Variants in C6 observed in about 807,000 individuals in gnomAD.
C6 encodes the protein complement component C6.
Under a neutral mutation model 112.9 loss-of-function variants are expected in C6, and 101 were observed. The ratio of observed to expected loss-of-function variants is 0.89; its 90% CI spans 0.76 to 1.06. C6 has a LOEUF of 1.06. Among genes scored for constraint, C6 ranks in the 50% least tolerant of loss-of-function variants. The pLI is 0.00. For synonymous variants in C6, 431 were observed against 384.1 expected (o/e 1.12, Z -1.43); for missense variants, 1,202 against 1,104.6 (o/e 1.09, Z -1.25).
At chr5:41,226,020 A>T (rs1441638275) in intron 1 of C6, among the ~76,000 whole-genome samples, 1 of 152,204 alleles carries the variant, frequency 6.6e-6, no homozygotes, top group Non-Finnish European at 1.5e-5. Context: ...CCTAGGTGAT[A>T]CCATTCAGGA....
chr5:41,233,152 AC>A (rs2150415315), intron 1 of C6, among the ~76,000 whole-genome samples: 1 of 152,208 alleles, frequency 6.6e-6, no homozygotes, highest in South Asian at 2.1e-4. Flanking sequence ...CAGCTCAGTC[AC>A]CAATTATTTG....
At chr5:41,205,778 A>T (rs1371114967) in intron 1 of C6, among the ~76,000 whole-genome samples, 1 of 151,952 alleles carries the variant, frequency 6.6e-6, no homozygotes, top group Non-Finnish European at 1.5e-5. Flanking sequence ...GCCTCTGTAG[A>T]CTCCACCTCT....
chr5:41,195,757 T>C, intron 5 of C6, 35 bp downstream of exon 5: 1 of 1,607,836 alleles, frequency 6.2e-7, no homozygotes, highest in Non-Finnish European at 8.5e-7. Flanking sequence ...TTCTGATACC[T>C]GTTCTCCCCA....
At chr5:41,250,087 G>T (rs1046394968) in intron 1 of C6, among the ~76,000 whole-genome samples, 4 of 152,152 alleles carry the variant, frequency 2.6e-5, no homozygotes, top group African/African-American at 9.7e-5. Flanking sequence ...CTTTTAACTA[G>T]GGACAAATTA....
intron 1 of C6, among the ~76,000 whole-genome samples, chr5:41,229,140 T>G (rs773561302): frequency 4.0e-5 from 6 of 151,784 alleles, no homozygotes; most frequent in Non-Finnish European, 5.9e-5. Context: ...CAACTCTTAA[T>G]TTTATTGATC....
chr5:41,210,753 G>C (rs1399002882), intron 1 of C6, among the ~76,000 whole-genome samples: 2 of 152,160 alleles, frequency 1.3e-5, no homozygotes, highest in Non-Finnish European at 2.9e-5. Flanking sequence ...TGCTGGAGAG[G>C]ATGTGGAGAA....
At chr5:41,218,520 T>C (rs1271749854), upstream of C6, among the ~76,000 whole-genome samples, 1 of 152,208 alleles carries the variant, frequency 6.6e-6, no homozygotes, top group Non-Finnish European at 1.5e-5. Flanking sequence ...CTATTGTGTC[T>C]TCTTAAAATG....
chr5:41,145,656 T>A (rs979171782), intron 17 of C6, among the ~76,000 whole-genome samples: 7 of 152,214 alleles, frequency 4.6e-5, no homozygotes, highest in Non-Finnish European at 1.0e-4. Flanking sequence ...CATCTTGCCC[T>A]TGGTAGGAAA....
chr5:41,172,183 T>A, intron 9 of C6, 42 bp downstream of exon 9: 1 of 1,609,412 alleles, frequency 6.2e-7, no homozygotes, highest in Non-Finnish European at 8.5e-7. Flanking sequence ...ACAGCCAGGC[T>A]CAGGGCACAC....
chr5:41,210,363 A>G (rs1751810530), intron 1 of C6, among the ~76,000 whole-genome samples: 1 of 152,226 alleles, frequency 6.6e-6, no homozygotes, highest in Non-Finnish European at 1.5e-5. Context: ...CAAAATTGAC[A>G]AATGGGATCT....
At chr5:41,210,823 G>C (rs1284159579) in intron 1 of C6, among the ~76,000 whole-genome samples, 1 of 152,210 alleles carries the variant, frequency 6.6e-6, no homozygotes, top group Non-Finnish European at 1.5e-5. Context: ...GTGGAAGGCA[G>C]TGTGGTGATT....
chr5:41,211,430 T>G (rs1180881544), intron 1 of C6, among the ~76,000 whole-genome samples: 1 of 152,110 alleles, frequency 6.6e-6, no homozygotes, highest in Non-Finnish European at 1.5e-5. Context: ...ACTTGCAAGC[T>G]GATTCTAGTT....
intron 1 of C6, among the ~76,000 whole-genome samples, chr5:41,258,194 G>A (rs1741837474): frequency 6.6e-6 from 1 of 152,088 alleles, no homozygotes; most frequent in Non-Finnish European, 1.5e-5. Flanking sequence ...TATGAGGAAA[G>A]GAAACATAAA....
chr5:41,259,924 C>T (rs115179989), intron 1 of C6, among the ~76,000 whole-genome samples: 1 of 152,286 alleles, frequency 6.6e-6, no homozygotes, highest in African/African-American at 2.4e-5. Flanking sequence ...GCATGTCTGG[C>T]CTGAACCCAC....
At chr5:41,179,714 A>AT (rs1749165576) in intron 7 of C6, among the ~76,000 whole-genome samples, 2 of 148,570 alleles carry the variant, frequency 1.3e-5, no homozygotes, top group African/African-American at 4.9e-5. Flanking sequence ...AGTTATATAT[A>AT]ATTTATACAT....
Position 41,159,187 on chromosome 5 carries a change from G to C in C6, c.1751C>G (p.Ser584Trp). 6.2e-7 allele frequency: 1 copy of C among 1,613,368 alleles called. No homozygotes were observed. The highest frequency in any genetic ancestry group is 2.2e-5 in the East Asian group (1 of 44,834). The change falls in exon 12 of 18, where the codon TCG becomes TGG. Residue 584 changes from serine to tryptophan, a missense_variant. Ser to Trp is a radical substitution (Grantham distance 177, BLOSUM62 -3). Transcript: ENST00000337836. ...WSTCDATYKR[S>W]RTRECNNPAP... ...AGGATTATTGCATTCTCGGGTTCTCGATCTCTTATAAGTAGCATCACAGGT... is the reference window on the plus strand; with the variant it reads ...AGGATTATTGCATTCTCGGGTTCTCCATCTCTTATAAGTAGCATCACAGGT...
chr5:41,198,037 T>C (rs1750738393), intron 4 of C6, among the ~76,000 whole-genome samples: 1 of 152,198 alleles, frequency 6.6e-6, no homozygotes, highest in South Asian at 2.1e-4. Flanking sequence ...TAAAACCAGC[T>C]GCAAATTCTC....
intron 15 of C6, among the ~76,000 whole-genome samples, chr5:41,150,533 G>T (rs966642534): frequency 6.6e-6 from 1 of 152,120 alleles, no homozygotes; most frequent in Non-Finnish European, 1.5e-5. Flanking sequence ...ATTAGAAAAA[G>T]TAAAATGAAG....
chr5:41,160,919 C>T (rs182137527), intron 10 of C6, among the ~76,000 whole-genome samples: 3 of 152,202 alleles, frequency 2.0e-5, no homozygotes, highest in Admixed American at 2.0e-4. Context: ...TAAATCAGTG[C>T]TCATTTTATT....
Sources: allele counts gnomAD v4.1 joint callset (sites outside exome capture counted in the v4.1 genomes callset), GRCh38; gene constraint gnomAD v4.1.1; transcripts MANE v1.5; gene names NCBI Gene and HGNC (gene_info 2026-07-23, HGNC 2026-07-21).